The following CNOT10 variants were observed in gnomAD, a reference collection of about 807,000 sequenced individuals.
The protein encoded by CNOT10 is CCR4-NOT transcription complex, subunit 10.
In CNOT10, 30 loss-of-function variants were observed where a neutral mutation model predicts 94.6. The observed-to-expected ratio is 0.32, with a 90% CI of 0.24 to 0.43. The LOEUF is 0.43. Ranked by LOEUF, CNOT10 falls within the 20% of genes least tolerant of loss-of-function variation. CNOT10 has a pLI of 1.00. For synonymous variants in CNOT10, 289 were observed against 301.6 expected, an observed-to-expected ratio of 0.96 and a Z score of 0.43; for missense variants, 759 against 877.2, an observed-to-expected ratio of 0.87 and a Z score of 1.70.
chr3:32,720,955 T>TCCCTC (rs1198288535), intron 8 of CNOT10, among the ~76,000 whole-genome samples: 1 of 139,498 alleles, frequency 7.2e-6, no homozygotes. Flanking sequence ...TTCCTTCCCT[T>TCCCTC]CCCTCCCTTC....
At chr3:32,718,508 C>T (rs992762107) in intron 7 of CNOT10, among the ~76,000 whole-genome samples, 33 of 132,586 alleles carry the variant, frequency 2.5e-4, no homozygotes, top group African/African-American at 9.3e-4. Context: ...GGTGTGAACC[C>T]GGGAGGCGGA....
At chr3:32,707,613 G>C (rs1000520446) in intron 3 of CNOT10, among the ~76,000 whole-genome samples, 8 of 152,056 alleles carry the variant, frequency 5.3e-5, no homozygotes, top group Non-Finnish European at 1.0e-4. Flanking sequence ...AGACCAGCCT[G>C]GCCAACATGG....
intron 13 of CNOT10, among the ~76,000 whole-genome samples, chr3:32,740,491 T>C (rs1038212530): frequency 6.6e-6 from 1 of 152,120 alleles, no homozygotes; most frequent in Non-Finnish European, 1.5e-5. Flanking sequence ...AGTCAAGATA[T>C]TGACATTGAT....
chr3:32,695,607 G>A (rs1430307324), intron 1 of CNOT10: 1 of 1,535,248 alleles, frequency 6.5e-7, no homozygotes, highest in Non-Finnish European at 8.7e-7. Flanking sequence ...CAAACCTAAA[G>A]GCAATTGTTT....
chr3:32,755,305 TTC>T (rs1166739987), intron 13 of CNOT10, among the ~76,000 whole-genome samples: 1 of 149,848 alleles, frequency 6.7e-6, no homozygotes, highest in Non-Finnish European at 1.5e-5. Context: ...ATTTTCTTTT[TTC>T]TTTTTCTTTT....
intron 13 of CNOT10, among the ~76,000 whole-genome samples, chr3:32,746,330 G>A (rs764335338): frequency 1.3e-5 from 2 of 152,126 alleles, no homozygotes; most frequent in Non-Finnish European, 2.9e-5. Context: ...TACATTTATT[G>A]TGCACTGTAT....
intron 17 of CNOT10, 132 bp from the exon 18 acceptor site, chr3:32,769,755 A>C (rs1328832814): frequency 1.5e-6 from 1 of 688,908 alleles, no homozygotes; most frequent in Non-Finnish European, 2.6e-6. Context: ...GAGCAGAACA[A>C]CAGGTAGTCC....
chr3:32,718,258 C>CTTT (rs376879885), intron 7 of CNOT10, among the ~76,000 whole-genome samples: 5 of 117,014 alleles, frequency 4.3e-5, no homozygotes, highest in African/African-American at 6.3e-5. Flanking sequence ...CATTATCAAA[C>CTTT]TTTTTTTTTT....
intron 18 of CNOT10, among the ~76,000 whole-genome samples, chr3:32,771,659 A>C (rs1324746219): frequency 6.6e-6 from 1 of 152,150 alleles, no homozygotes; most frequent in African/African-American, 2.4e-5. Context: ...TAAATAGATA[A>C]ATTGATAGAT....
intron 1 of CNOT10, among the ~76,000 whole-genome samples, chr3:32,691,518 G>T (rs1163174389): frequency 6.6e-6 from 1 of 151,968 alleles, no homozygotes; most frequent in African/African-American, 2.4e-5. Flanking sequence ...TGTTGGCCCG[G>T]CTGGTCTTGA....
intron 2 of CNOT10, among the ~76,000 whole-genome samples, chr3:32,704,363 T>C (rs1235735131): frequency 6.6e-6 from 1 of 152,160 alleles, no homozygotes; most frequent in Non-Finnish European, 1.5e-5. Flanking sequence ...ATTGGCAGAA[T>C]TTTAACTTTT....
At chr3:32,754,490 ATAC>A (rs1480316321) in intron 13 of CNOT10, among the ~76,000 whole-genome samples, 9 of 25,162 alleles carry the variant, frequency 3.6e-4, no homozygotes, top group East Asian at 1.8e-3. Flanking sequence ...AAAAAAAAAA[ATAC>A]ATATATATAT....
At chr3:32,759,417 T>A (rs2125630922) in intron 13 of CNOT10, 41 bp from the exon 14 acceptor site, 1 of 1,364,782 alleles carries the variant, frequency 7.3e-7, no homozygotes, top group Non-Finnish European at 1.0e-6. Context: ...ATTATCAATG[T>A]TTAAAATGAG....
intron 2 of CNOT10, 126 bp downstream of exon 2, chr3:32,704,088 G>A: frequency 1.8e-6 from 1 of 547,094 alleles, no homozygotes; most frequent in Non-Finnish European, 3.2e-6. Flanking sequence ...TTAGAGATAA[G>A]TAGGTTTAAT....
intron 5 of CNOT10, among the ~76,000 whole-genome samples, chr3:32,715,671 C>T (rs1698087319): frequency 6.6e-6 from 1 of 152,138 alleles, no homozygotes; most frequent in Non-Finnish European, 1.5e-5. Flanking sequence ...AGACCCCCGT[C>T]TCTATGAAAA....
chr3:32,756,150 G>A (rs1355150260), intron 13 of CNOT10, among the ~76,000 whole-genome samples: 1 of 152,136 alleles, frequency 6.6e-6, no homozygotes, highest in African/African-American at 2.4e-5. Context: ...GATGAGAGGT[G>A]AGTTGGGATG....
intron 15 of CNOT10, 137 bp from the exon 16 acceptor site, chr3:32,764,318 C>T: frequency 1.2e-6 from 1 of 801,458 alleles, no homozygotes; most frequent in South Asian, 1.8e-5. Context: ...GCCTGGGCAA[C>T]AGAGCGAGGC....
At chr3:32,733,374 A>C (rs1476219423) in intron 10 of CNOT10, 49 bp from the exon 11 acceptor site, 1 of 1,378,464 alleles carries the variant, frequency 7.3e-7, no homozygotes, top group Non-Finnish European at 9.9e-7. Flanking sequence ...TTTTTATACC[A>C]CATCTTACAA....
At chr3:32,767,722 G>A (rs1700712434) in intron 17 of CNOT10, among the ~76,000 whole-genome samples, 1 of 152,058 alleles carries the variant, frequency 6.6e-6, no homozygotes, top group African/African-American at 2.4e-5. Context: ...TAACATGTTT[G>A]ATATTATCTA....
Sources: allele counts gnomAD v4.1 joint callset (sites outside exome capture counted in the v4.1 genomes callset), GRCh38; gene constraint gnomAD v4.1.1; transcripts MANE v1.5; gene names NCBI Gene and HGNC (gene_info 2026-07-23, HGNC 2026-07-21).